Variants in TOMM22 observed in about 807,000 individuals in gnomAD.
TOMM22 encodes translocase of outer mitochondrial membrane 22, also known as mitochondrial import receptor subunit TOM22 homolog.
Under a neutral mutation model 17.1 loss-of-function variants are expected in TOMM22, and 3 were observed. The ratio of observed to expected loss-of-function variants is 0.18; its 90% CI spans 0.08 to 0.45. The LOEUF (loss-of-function observed/expected upper bound fraction) is 0.45. Among genes scored for constraint, TOMM22 ranks in the 20% least tolerant of loss-of-function variants. The pLI is 0.99. For synonymous variants in TOMM22, 91 were observed against 74.0 expected (o/e 1.23, Z -1.18); for missense variants, 159 against 179.5 (o/e 0.89, Z 0.65).
At chr22:38,682,118 A>C (rs751006650) in intron 1 of TOMM22, 23 bp downstream of exon 1, 2 of 1,557,304 alleles carry the variant, frequency 1.3e-6, no homozygotes, top group South Asian at 2.3e-5. Flanking sequence ...CGCGGGGTGC[A>C]GAGCGGGAAG....
rs947697173 is a variant in TOMM22, at chr22:38,683,997, A to G, written c.*156A>G. On this transcript the variant is annotated 3_prime_UTR_variant, in exon 4 of 4. Coordinates refer to ENST00000216034, the MANE Select transcript of TOMM22 (RefSeq NM_020243.5). ...TATCCCCACATTGTCTCATGGAAAG[A>G]CTCAACTTGCAACTGTGCCCTCCAC... The G allele has an allele frequency of 7.9e-6, 5 of 634,708 alleles. No homozygotes were observed. In the Admixed American group the frequency reaches 8.1e-5, roughly 10 times the overall value. 39.3% of individuals were successfully genotyped at this position (634,708 alleles called of 1,614,324 possible).
chr22:38,681,968 C>G lies in TOMM22; in HGVS notation c.-11C>G. 6.2e-7 allele frequency: 1 copy of G among 1,611,524 alleles called. No homozygotes were observed. Among genetic ancestry groups the G allele is most frequent in the Admixed American group, 1.7e-5 (1 of 59,932 alleles). ...CTCACCTCCTTTCCGCTTCCGGTGT[C>G]CCCTACAGTCATGGCTGCCGCCGTC... On this transcript the variant is annotated 5_prime_UTR_variant, in exon 1 of 4. Coordinates refer to ENST00000216034, the MANE Select transcript of TOMM22 (RefSeq NM_020243.5).
rs148471443 is a variant in TOMM22 at position 38,682,888 on chromosome 22, G to A, written c.246G>A (p.Arg82=). The change falls in exon 3 of 4, where the codon AGG becomes AGA. Residue 82 remains arginine, a synonymous_variant. Coordinates refer to ENST00000216034, the MANE Select transcript of TOMM22 (RefSeq NM_020243.5). ...GGATTTTCCTCTGCAGGTTTTCCAG[G>A]GCAGCCTTGTGGATTGGGACCACTT... The part of the protein sequence containing the change: ...FVAQKMYRFS[R]AALWIGTTSF... 9.0e-5 allele frequency: 145 copies of A among 1,612,904 alleles called. No homozygotes were observed. The highest frequency in any genetic ancestry group is 1.2e-4 in the Admixed American group (7 of 59,970).
Position 38,682,077 on chromosome 22 carries a change from G to A in TOMM22, c.99G>A (p.Glu33=), listed in dbSNP as rs2145795167. ...GDAEKPEEEL[E]EDDDEELDET... ...CGGAGAAGCCTGAGGAGGAGCTGGA[G>A]GAGGACGACGATGAGGAGGTACTAG... Residue 33 remains glutamate (E), a synonymous_variant, in exon 1 of 4, where the codon GAG becomes GAA. Coordinates refer to ENST00000216034, the MANE Select transcript of TOMM22 (RefSeq NM_020243.5). 3 of 1,586,226 alleles carry A rather than the reference G, an allele frequency of 1.9e-6. No homozygotes were observed. Among genetic ancestry groups the A allele is most frequent in the South Asian group, 1.1e-5 (1 of 87,654 alleles).
chr22:38,682,505 A>G (rs2092482022), intron 2 of TOMM22, 64 bp downstream of exon 2: 4 of 1,478,354 alleles, frequency 2.7e-6, no homozygotes, highest in South Asian at 2.3e-5. Context: ...GTGAAAGAAC[A>G]CGGGGTTTGG....
In TOMM22 at chr22:38,684,608, T is replaced by G. The variant is rs1325801622; in HGVS notation, c.*767T>G. 1 of 152,200 alleles carries G rather than the reference T, an allele frequency of 6.6e-6. No individual in the cohort carries two copies. The highest frequency in any genetic ancestry group is 1.5e-5 in the Non-Finnish European group (1 of 68,046). 9.4% of individuals were successfully genotyped at this position (152,200 alleles called of 1,614,324 possible). ...GCCATAGGCCCAAATTGTTTCCAAG[T>G]GAAAATTCATTTTTAGCCAAGTACT... On this transcript the variant is annotated 3_prime_UTR_variant, in exon 4 of 4. Coordinates refer to ENST00000216034, the MANE Select transcript of TOMM22 (RefSeq NM_020243.5).
chr22:38,683,918 T>G lies in TOMM22; in HGVS notation c.*77T>G. ...GTTTGAACTGCTGATAATTTGGATT[T>G]TTTTTTTTTTTTAACTTTGGCACAT... On this transcript the variant is annotated 3_prime_UTR_variant, in exon 4 of 4. Transcript: ENST00000216034. The G allele has an allele frequency of 2.4e-6, 3 of 1,260,962 alleles. No homozygotes were observed. The highest frequency in any genetic ancestry group is 2.3e-6 in the Non-Finnish European group (2 of 887,060). 78.1% of individuals were successfully genotyped at this position (1,260,962 alleles called of 1,614,324 possible).
chr22:38,684,064 C>A lies in TOMM22; in HGVS notation c.*223C>A. On this transcript the variant is annotated 3_prime_UTR_variant, in exon 4 of 4. Transcript: ENST00000216034. Reference sequence around the variant, plus strand: ...TCTCCACTCTGATACCAGAGTGCAGCCATGCAGATGGTTATTCCAGCTCTG... The same window carrying A: ...TCTCCACTCTGATACCAGAGTGCAGACATGCAGATGGTTATTCCAGCTCTG... The A allele has an allele frequency of 1.9e-6, 1 of 514,740 alleles. No homozygotes were observed. The highest frequency in any genetic ancestry group is 3.5e-6 in the Non-Finnish European group (1 of 284,100). The allele number at this position is 514,740 out of a possible 1,614,324, so 31.9% of individuals were successfully genotyped here.
In TOMM22 at chr22:38,683,979, A is replaced by AC; in HGVS notation, c.*139dup. The AC allele has an allele frequency of 1.4e-6, 1 of 691,548 alleles. No individual in the cohort carries two copies. The highest frequency in any genetic ancestry group is 2.4e-6 in the Non-Finnish European group (1 of 409,660). 42.8% of individuals were successfully genotyped at this position (691,548 alleles called of 1,614,324 possible). A position where few individuals can be genotyped will look rare whatever the true frequency, so the allele number is the denominator to read the frequency against. Reference sequence around the variant, plus strand: ...AAACCTGGTGGGGAGAATTATCCCCACATTGTCTCATGGAAAGACTCAACT... The same window carrying AC: ...AAACCTGGTGGGGAGAATTATCCCCACCATTGTCTCATGGAAAGACTCAACT... On this transcript the variant is annotated 3_prime_UTR_variant, in exon 4 of 4. Transcript: ENST00000216034.
At position 38,682,047 on chromosome 22, in the gene TOMM22, C is replaced by T; in HGVS notation, c.69C>T (p.Gly23=). Residue 23 remains glycine, a synonymous_variant, in exon 1 of 4, where the codon GGC becomes GGT. Coordinates refer to ENST00000216034, the MANE Select transcript of TOMM22 (RefSeq NM_020243.5). ...PQSPDELLPK[G]DAEKPEEELE... ...CCCCGGACGAATTGCTCCCGAAAGG[C>T]GACGCGGAGAAGCCTGAGGAGGAGC... 2 of 1,604,474 alleles carry T rather than the reference C, an allele frequency of 1.2e-6. No individual in the cohort carries two copies. The highest frequency in any genetic ancestry group is 2.2e-5 in the East Asian group (1 of 44,492).
At chr22:38,682,468 G>A in intron 2 of TOMM22, 27 bp downstream of exon 2, 1 of 1,586,376 alleles carries the variant, frequency 6.3e-7, no homozygotes, top group Non-Finnish European at 8.7e-7. Context: ...AAGGCACTGG[G>A]TACGTGCATG....
Position 38,683,828 on chromosome 22 carries a change from C to T in TOMM22, c.416C>T (p.Pro139Leu). The T allele has an allele frequency of 6.2e-7, 1 of 1,613,966 alleles. No homozygotes were observed. ...ATGCCAGGGGCTCTACCCTCACTTCCTGGAAAGATCTAGATTGTTATTGCT... is the reference window on the plus strand; with the variant it reads ...ATGCCAGGGGCTCTACCCTCACTTCTTGGAAAGATCTAGATTGTTATTGCT... ...GGMPGALPSL[P>L]GKI Residue 139 changes from proline (P) to leucine (L), a missense_variant, in exon 4 of 4, where the codon CCT (proline) becomes CTT (leucine). Transcript: ENST00000216034.
chr22:38,683,255 C>G (rs2145796164), intron 3 of TOMM22, among the ~76,000 whole-genome samples: 1 of 151,982 alleles, frequency 6.6e-6, no homozygotes, highest in African/African-American at 2.4e-5. Flanking sequence ...GAGTGGGAGC[C>G]CTGAGCTTGT....
In TOMM22 at chr22:38,683,782, A is replaced by G. The variant is rs1414489061; in HGVS notation, c.370A>G (p.Asn124Asp). 6.2e-7 allele frequency: 1 copy of G among 1,614,014 alleles called. No homozygotes were observed. Among genetic ancestry groups the G allele is most frequent in the Non-Finnish European group, 8.5e-7 (1 of 1,179,940 alleles). Residue 124 changes from asparagine (N) to aspartate (D), a missense_variant, in exon 4 of 4, where the codon AAC becomes GAC. Transcript: ENST00000216034. ...LQQRQILLGP[N>D]TGLSGGMPGA... ...TCTTTTCCAGATACTTCTAGGACCT[A>G]ACACAGGGCTCTCAGGAGGAATGCC...
In TOMM22 at chr22:38,682,143, G is replaced by T. The variant is rs757213222; in HGVS notation, c.117+48G>T. 1.6e-5 allele frequency: 25 copies of T among 1,540,070 alleles called. No individual in the cohort carries two copies. In the South Asian group the frequency reaches 2.8e-4, roughly 17 times the overall value. The stretch of plus-strand genomic sequence containing the variant: ...AGAGCGGGAAGCGGGCCCGCTCGTG[G>T]GTGTGGGATCCGCGTGGTACGGGAT... On this transcript the variant is annotated intron_variant, in intron 1 of 3. Transcript: ENST00000216034.
rs546703898 is a variant in TOMM22 at position 38,685,075 on chromosome 22, G to C, written c.*1234G>C. ...TGGGATTATAGGCGTCACCCACCAC[G>C]CCCAGCCAGAGTAAGCCTTTTGTGT... is the stretch of plus-strand genomic sequence containing the variant. On this transcript the variant is annotated 3_prime_UTR_variant, in exon 4 of 4. Transcript: ENST00000216034. 2.0e-5 allele frequency: 3 copies of C among 152,236 alleles called. No individual in the cohort carries two copies. The highest frequency in any genetic ancestry group is 4.4e-5 in the Non-Finnish European group (3 of 68,016). The allele number at this position is 152,236 out of a possible 1,614,324, so 9.4% of individuals were successfully genotyped here. A position where few individuals can be genotyped will look rare whatever the true frequency, so the allele number is the denominator to read the frequency against.
chr22:38,683,129 GGTGGCCGGGGGTC>G, intron 3 of TOMM22, 133 bp downstream of exon 3: 1 of 530,746 alleles, frequency 1.9e-6, no homozygotes, highest in Admixed American at 3.3e-5. Flanking sequence ...GTGGGTTGGG[GGTGGCCGGGGGTC>G]GGGGGGGGGG....
chr22:38,683,125 T>TGGGGGGTG, intron 3 of TOMM22, 129 bp downstream of exon 3: 1 of 30,890 alleles, frequency 3.2e-5, no homozygotes, highest in Non-Finnish European at 6.0e-5. Flanking sequence ...GATGGTGGGT[T>TGGGGGGTG]GGGGGTGGCC....
chr22:38,685,116 C>T lies in TOMM22; in HGVS notation c.*1275C>T, dbSNP rs1466289980. ...CCTTTTGTGTGTTTATCAGATCAAC[C>T]AACACTACAATCTAGGTGGTACTGT... On this transcript the variant is annotated 3_prime_UTR_variant, in exon 4 of 4. Coordinates refer to ENST00000216034, the MANE Select transcript of TOMM22 (RefSeq NM_020243.5). The T allele has an allele frequency of 6.6e-6, 1 of 152,134 alleles. No individual in the cohort carries two copies. The highest frequency in any genetic ancestry group is 1.5e-5 in the Non-Finnish European group (1 of 68,024). The allele number at this position is 152,134 out of a possible 1,614,324, so 9.4% of individuals were successfully genotyped here. A position where few individuals can be genotyped will look rare whatever the true frequency, so the allele number is the denominator to read the frequency against.
Sources: allele counts gnomAD v4.1 joint callset (sites outside exome capture counted in the v4.1 genomes callset), GRCh38; gene constraint gnomAD v4.1.1; transcripts MANE v1.5; gene names NCBI Gene and HGNC (gene_info 2026-07-23, HGNC 2026-07-21).